LMO7: variants seen among roughly 807,000 people sequenced by gnomAD.
LMO7 encodes LIM domain 7.
LMO7 carries 120 observed loss-of-function variants against 206.5 expected under a neutral mutation model. That is an observed-to-expected ratio of 0.58 (90% confidence interval 0.50 to 0.68). The LOEUF is 0.68. Ranked by LOEUF, LMO7 falls within the 30% of genes least tolerant of loss-of-function variation. The probability of loss-of-function intolerance (pLI) is 0.00; values close to 1 mark genes in which losing one functional copy is unlikely to be tolerated. For missense variants in LMO7, 1,959 were observed against 1,957.9 expected (o/e 1.00, Z -0.01); for synonymous variants, 706 against 681.5 (o/e 1.04, Z -0.56).
intron 2 of LMO7, among the ~76,000 whole-genome samples, chr13:75,713,703 A>G (rs1055618210): frequency 6.6e-6 from 1 of 152,208 alleles, no homozygotes; most frequent in Admixed American, 6.5e-5. Flanking sequence ...GAGTCATTAC[A>G]TTACCAAAAT....
rs780047445 is a variant in LMO7, at chr13:75,705,572, CAT to C, written c.70-7609_70-7608del. On this transcript the variant is annotated intron_variant, in intron 1 of 30. Transcript: ENST00000377534. Reference sequence around the variant, plus strand: ...GACTTTTGATAACTTAAGTGGGAAACATGTGGTCTCTATTTATGTGGTTCCTA... The same window carrying C: ...GACTTTTGATAACTTAAGTGGGAAACGTGGTCTCTATTTATGTGGTTCCTA... 9.8e-5 allele frequency among the ~76,000 whole-genome samples: 15 copies of C among 152,296 alleles called. No homozygotes were observed. The South Asian group carries it at 1.2e-3, about 13-fold the overall frequency.
At chr13:75,737,547 A>G (rs1318199472) in intron 3 of LMO7, among the ~76,000 whole-genome samples, 1 of 149,430 alleles carries the variant, frequency 6.7e-6, no homozygotes, top group African/African-American at 2.5e-5. Flanking sequence ...AGGTCAGGAG[A>G]TCGAGACCAT....
chr13:75,720,931 CTT>C (rs2043970725), intron 2 of LMO7, among the ~76,000 whole-genome samples: 1 of 152,038 alleles, frequency 6.6e-6, no homozygotes. Flanking sequence ...TGCTTTTAGA[CTT>C]TTAAATTATA....
intron 12 of LMO7, among the ~76,000 whole-genome samples, chr13:75,817,501 C>A (rs2057151721): frequency 6.6e-6 from 1 of 151,518 alleles, no homozygotes; most frequent in African/African-American, 2.4e-5. Context: ...TGTTTATTTT[C>A]TAACATTCTC....
At chr13:75,724,815 A>G (rs1339375557) in intron 2 of LMO7, among the ~76,000 whole-genome samples, 4 of 152,134 alleles carry the variant, frequency 2.6e-5, no homozygotes, top group Non-Finnish European at 5.9e-5. Flanking sequence ...TAGTCCTTAG[A>G]ATTGTGACTA....
At chr13:75,706,851 A>G (rs1197060806) in intron 1 of LMO7, among the ~76,000 whole-genome samples, 2 of 152,154 alleles carry the variant, frequency 1.3e-5, no homozygotes, top group African/African-American at 4.8e-5. Context: ...TTTACTGAGT[A>G]CTTATAAAAT....
intron 4 of LMO7, among the ~76,000 whole-genome samples, chr13:75,764,579 T>C (rs1246091856): frequency 6.6e-6 from 1 of 152,116 alleles, no homozygotes; most frequent in African/African-American, 2.4e-5. Context: ...TTGGAGAACT[T>C]GAAGTTGGCA....
chr13:75,637,663 G>A (rs1593972254), intron 1 of LMO7, among the ~76,000 whole-genome samples: 2 of 152,142 alleles, frequency 1.3e-5, no homozygotes, highest in African/African-American at 4.8e-5. Flanking sequence ...CTTCGAATTA[G>A]GCTTAAAGAT....
intron 1 of LMO7, among the ~76,000 whole-genome samples, chr13:75,654,085 C>T (rs1293207568): frequency 6.6e-6 from 1 of 152,056 alleles, no homozygotes; most frequent in African/African-American, 2.4e-5. Context: ...CTACCCTTTC[C>T]CCAAATAAGA....
rs879788518 is a variant in LMO7, at chr13:75,663,325, ATT to A, written c.69+26605_69+26606del. 9.0e-3 allele frequency among the ~76,000 whole-genome samples: 1,362 copies of A among 150,756 alleles called. 42 individuals are homozygous for A. Among genetic ancestry groups the A allele is most frequent in the Admixed American group, 0.032 (485 of 15,104 alleles). Reference sequence around the variant, plus strand: ...TCTCTGCTTTCTAGAGGTGCCTCAGATTTTTTTAAAAATTTTTATATTCTGTA... The same window carrying A: ...TCTCTGCTTTCTAGAGGTGCCTCAGATTTTTAAAAATTTTTATATTCTGTA... On this transcript the variant is annotated intron_variant, in intron 1 of 30. Transcript: ENST00000377534.
chr13:75,789,836 C>G (rs1431861875), intron 4 of LMO7, among the ~76,000 whole-genome samples: 5 of 152,170 alleles, frequency 3.3e-5, no homozygotes, highest in Non-Finnish European at 7.3e-5. Flanking sequence ...TGCGGTAAAA[C>G]TATAATCTCA....
At position 75,841,178 on chromosome 13, in the gene LMO7, G is replaced by C. The variant is rs766245630; in HGVS notation, c.3652G>C (p.Glu1218Gln). Residue 1218 changes from glutamate to glutamine, a missense_variant, in exon 23 of 31, where the codon GAG (glutamate) becomes CAG (glutamine). Physicochemically the swap from Glu to Gln is conservative, Grantham distance 29. Transcript: ENST00000377534. ...AAGGGCCAAACAGGAGGCAGAGAGAGAGAATTCCAAGTACTTGGATGAGGT... is the reference window on the plus strand; with the variant it reads ...AAGGGCCAAACAGGAGGCAGAGAGACAGAATTCCAAGTACTTGGATGAGGT... ...WQRAKQEAER[E>Q]NSKYLDEELM... 4.3e-6 allele frequency: 7 copies of C among 1,612,582 alleles called. No homozygotes were observed. Among genetic ancestry groups the C allele is most frequent in the Non-Finnish European group, 2.5e-6 (3 of 1,178,688 alleles).
Position 75,834,287 on chromosome 13 carries a change from C to T in LMO7, c.3126C>T (p.Thr1042=). The change falls in exon 17 of 31, where the codon ACC becomes ACT. Residue 1042 remains threonine (T), a synonymous_variant. Transcript: ENST00000377534. ...VDDEIIAINN[T]KFSYNDSKEW... ...ATGAAATTATTGCTATTAACAACACCAAGTTTTCATATAACGATTCAAAAG... is the reference window on the plus strand; with the variant it reads ...ATGAAATTATTGCTATTAACAACACTAAGTTTTCATATAACGATTCAAAAG... The T allele has an allele frequency of 6.2e-7, 1 of 1,610,628 alleles. No homozygotes were observed. Among genetic ancestry groups the T allele is most frequent in the Middle Eastern group, 1.7e-4 (1 of 6,052 alleles).
intron 1 of LMO7, among the ~76,000 whole-genome samples, chr13:75,690,826 C>T (rs950363498): frequency 2.6e-5 from 4 of 152,166 alleles, no homozygotes; most frequent in Non-Finnish European, 4.4e-5. Flanking sequence ...TTACTTTTAG[C>T]ATAGTACTGA....
intron 7 of LMO7, among the ~76,000 whole-genome samples, 163 bp downstream of exon 7, chr13:75,801,045 C>T (rs1378004958): frequency 1.3e-5 from 2 of 151,758 alleles, no homozygotes; most frequent in East Asian, 1.9e-4. Flanking sequence ...TTTTTTTCTC[C>T]TTCATGATGG....
At chr13:75,763,171 A>G (rs1449094503) in intron 4 of LMO7, among the ~76,000 whole-genome samples, 1 of 152,154 alleles carries the variant, frequency 6.6e-6, no homozygotes, top group Non-Finnish European at 1.5e-5. Flanking sequence ...ATGTTTGGCC[A>G]CTTCCGGAGA....
chr13:75,674,205 G>C (rs1163293440), intron 1 of LMO7, among the ~76,000 whole-genome samples: 2 of 152,130 alleles, frequency 1.3e-5, no homozygotes, highest in Non-Finnish European at 2.9e-5. Context: ...ACTTACATTT[G>C]TACTCTTAAA....
At chr13:75,636,989 G>T (rs1233899016) in intron 1 of LMO7, among the ~76,000 whole-genome samples, 4 of 152,034 alleles carry the variant, frequency 2.6e-5, no homozygotes, top group African/African-American at 4.8e-5. Flanking sequence ...GTGGGCGTTC[G>T]CCTGCCGGCA....
chr13:75,698,060 C>T (rs989614660), intron 1 of LMO7, among the ~76,000 whole-genome samples: 2 of 152,014 alleles, frequency 1.3e-5, no homozygotes, highest in Non-Finnish European at 2.9e-5. Flanking sequence ...TGAGACCATA[C>T]AATTAAAGTG....
Sources: allele counts gnomAD v4.1 joint callset (sites outside exome capture counted in the v4.1 genomes callset), GRCh38; gene constraint gnomAD v4.1.1; transcripts MANE v1.5; gene names NCBI Gene and HGNC (gene_info 2026-07-23, HGNC 2026-07-21).